Variants in CLVS1 observed in about 807,000 individuals in gnomAD.
The protein encoded by CLVS1 is clavesin 1.
CLVS1 carries 10 observed loss-of-function variants against 33.1 expected under a neutral mutation model. That is an observed-to-expected ratio of 0.30 (90% CI 0.19 to 0.51). The LOEUF is 0.51. CLVS1 is among the 20% of genes least tolerant of loss of function. The pLI is 0.97. For synonymous variants in CLVS1, 163 were observed against 166.1 expected (o/e 0.98, Z 0.14); for missense variants, 343 against 433.4 (o/e 0.79, Z 1.85).
chr8:61,272,639 C>T (rs1333010824), intron 2 of CLVS1, among the ~76,000 whole-genome samples: 2 of 152,196 alleles, frequency 1.3e-5, no homozygotes, highest in African/African-American at 2.4e-5. Context: ...ACCAATCAGA[C>T]GTAGATTTGG....
chr8:61,473,362 A>G (rs1817800862), intron 5 of CLVS1, among the ~76,000 whole-genome samples: 1 of 151,198 alleles, frequency 6.6e-6, no homozygotes, highest in Non-Finnish European at 1.5e-5. Context: ...AAAAAAAAAA[A>G]AAGACCAGAA....
intron 3 of CLVS1, among the ~76,000 whole-genome samples, chr8:61,448,251 T>C (rs554069363): frequency 6.6e-6 from 1 of 152,266 alleles, no homozygotes; most frequent in South Asian, 2.1e-4. Context: ...TGTTTGGTAT[T>C]CACTCAGCTT....
At chr8:61,293,529 T>C (rs1300843560) in intron 1 of CLVS1, among the ~76,000 whole-genome samples, 1 of 152,188 alleles carries the variant, frequency 6.6e-6, no homozygotes, top group Admixed American at 6.5e-5. Flanking sequence ...TCAAGAAAGA[T>C]TTCAAATAGA....
chr8:61,024,940 C>G, the CLVS1 span, among the ~76,000 whole-genome samples: 6 of 151,978 alleles, frequency 3.9e-5, no homozygotes, highest in South Asian at 1.2e-3. Context: ...CTCTGCTTCC[C>G]GGGTTCAAGC....
the CLVS1 span, among the ~76,000 whole-genome samples, chr8:61,032,999 AAGAAAGAAAG>A: frequency 2.6e-5 from 2 of 77,616 alleles, no homozygotes; most frequent in African/African-American, 1.0e-4. Flanking sequence ...GAAGGAAAGA[AAGAAAGAAAG>A]AAAGAAAGAA....
At chr8:61,425,974 C>G (rs1815876587) in intron 3 of CLVS1, among the ~76,000 whole-genome samples, 1 of 152,208 alleles carries the variant, frequency 6.6e-6, no homozygotes, top group South Asian at 2.1e-4. Context: ...GTATCTCACC[C>G]TTTAGAGCTG....
chr8:61,447,229 T>C (rs1816787184), intron 3 of CLVS1, among the ~76,000 whole-genome samples: 1 of 152,128 alleles, frequency 6.6e-6, no homozygotes, highest in Admixed American at 6.6e-5. Context: ...TTTTTCCAGT[T>C]CTACTAGCTT....
chr8:61,012,068 G>T, the CLVS1 span, among the ~76,000 whole-genome samples: 2 of 152,180 alleles, frequency 1.3e-5, no homozygotes, highest in Non-Finnish European at 2.9e-5. Flanking sequence ...CCCAGAATCC[G>T]CTCACCCAGG....
intron 3 of CLVS1, among the ~76,000 whole-genome samples, chr8:61,424,592 T>C (rs1405438830): frequency 6.6e-6 from 1 of 152,230 alleles, no homozygotes; most frequent in Non-Finnish European, 1.5e-5. Context: ...ATATCACAAT[T>C]AGAGCACGTA....
At chr8:61,156,404 A>C (rs1177307631) in intron 2 of CLVS1, among the ~76,000 whole-genome samples, 1 of 151,878 alleles carries the variant, frequency 6.6e-6, no homozygotes, top group Non-Finnish European at 1.5e-5. Flanking sequence ...GTCCATGTGC[A>C]TGTTAATAAA....
intron 2 of CLVS1, among the ~76,000 whole-genome samples, chr8:61,275,027 G>A (rs977372788): frequency 3.3e-5 from 5 of 152,022 alleles, no homozygotes; most frequent in African/African-American, 1.2e-4. Context: ...TTGCTCAGAT[G>A]CTGGGAAATT....
At chr8:61,242,931 A>G (rs1339855863) in intron 2 of CLVS1, among the ~76,000 whole-genome samples, 2 of 152,204 alleles carry the variant, frequency 1.3e-5, no homozygotes, top group African/African-American at 2.4e-5. Context: ...AAATCCTTAG[A>G]CTGATAACAC....
At chr8:60,966,371 G>A in the CLVS1 span, 1 of 455,934 alleles carries the variant, frequency 2.2e-6, no homozygotes, top group Admixed American at 2.4e-5. Context: ...ATCACCCCAG[G>A]ACTTATCTTC....
At chr8:61,490,034 G>T (rs771315976) in intron 5 of CLVS1, among the ~76,000 whole-genome samples, 6 of 152,212 alleles carry the variant, frequency 3.9e-5, no homozygotes, top group Admixed American at 2.0e-4. Flanking sequence ...ATGGAAGTCA[G>T]GCTGGGCACA....
intron 1 of CLVS1, among the ~76,000 whole-genome samples, chr8:61,111,220 T>G (rs559172658): frequency 6.7e-4 from 102 of 152,308 alleles, no homozygotes; most frequent in African/African-American, 2.4e-3. Flanking sequence ...TATACGGCTT[T>G]CACTGTGCAA....
chr8:61,324,934 G>A (rs1469783494), intron 2 of CLVS1, among the ~76,000 whole-genome samples: 1 of 152,110 alleles, frequency 6.6e-6, no homozygotes, highest in African/African-American at 2.4e-5. Context: ...ACCATGGCAT[G>A]GATAATTGCA....
chr8:61,177,443 T>TC (rs1252326263), intron 2 of CLVS1, among the ~76,000 whole-genome samples: 1 of 152,006 alleles, frequency 6.6e-6, no homozygotes, highest in African/African-American at 2.4e-5. Context: ...CGAGTAAGAT[T>TC]CCCCCCAGTG....
intron 3 of CLVS1, among the ~76,000 whole-genome samples, chr8:61,379,627 G>A (rs1240342409): frequency 6.6e-6 from 1 of 152,096 alleles, no homozygotes; most frequent in Non-Finnish European, 1.5e-5. Flanking sequence ...CTACACGTTG[G>A]GTTGTTGACT....
chr8:61,004,448 C>T, the CLVS1 span, among the ~76,000 whole-genome samples: 1 of 152,220 alleles, frequency 6.6e-6, no homozygotes, highest in Non-Finnish European at 1.5e-5. Flanking sequence ...CCCCAGAAAG[C>T]CAGAGCCATG....
Sources: allele counts gnomAD v4.1 joint callset (sites outside exome capture counted in the v4.1 genomes callset), GRCh38; gene constraint gnomAD v4.1.1; transcripts MANE v1.5; gene names NCBI Gene and HGNC (gene_info 2026-07-23, HGNC 2026-07-21).